Variants in GBA1 observed in about 807,000 individuals in gnomAD.
The protein encoded by GBA1 is lysosomal acid glucosylceramidase.
chr1:155,236,771 A>G, the GBA1 span, among the ~76,000 whole-genome samples: 2 of 151,308 alleles, frequency 1.3e-5, no homozygotes, highest in Non-Finnish European at 2.9e-5. Context: ...ATGTGTGTGT[A>G]TGTATGTGTG....
the GBA1 span, chr1:155,239,923 C>T: frequency 5.6e-6 from 9 of 1,614,138 alleles, no homozygotes; most frequent in South Asian, 7.7e-5. Flanking sequence ...GCCCCATACT[C>T]AGCTCCATCC....
the GBA1 span, among the ~76,000 whole-genome samples, chr1:155,241,979 C>G: frequency 1.3e-5 from 2 of 152,180 alleles, no homozygotes; most frequent in Admixed American, 1.3e-4. Flanking sequence ...AAAGCCATAT[C>G]CTCAGTGGAC....
chr1:155,235,620 G>A, the GBA1 span: 2 of 1,496,180 alleles, frequency 1.3e-6, no homozygotes, highest in African/African-American at 1.4e-5. Context: ...AGTGATGTAA[G>A]CCATCCGATG....
At chr1:155,235,723 G>A in the GBA1 span, 31 of 1,613,280 alleles carry the variant, frequency 1.9e-5, 1 homozygote, top group Middle Eastern at 6.6e-4. Context: ...TTTGTAAAAC[G>A]TGTCCTTGGT....
At chr1:155,235,568 G>T in the GBA1 span, 2 of 1,261,908 alleles carry the variant, frequency 1.6e-6, no homozygotes, top group Non-Finnish European at 2.3e-6. Context: ...TGCCTCTTCC[G>T]AGGTTCCACC....
the GBA1 span, chr1:155,236,282 C>T: frequency 6.2e-7 from 1 of 1,614,132 alleles, no homozygotes; most frequent in Non-Finnish European, 8.5e-7. Context: ...CCCTCGATCC[C>T]AGGAGCCTAG....
chr1:155,242,906 A>C, the GBA1 span, among the ~76,000 whole-genome samples: 2 of 152,174 alleles, frequency 1.3e-5, no homozygotes, highest in Non-Finnish European at 2.9e-5. Context: ...CCAGTAATTA[A>C]GTACAGTCTC....
chr1:155,235,609 G>C, the GBA1 span: 1 of 1,446,226 alleles, frequency 6.9e-7, no homozygotes, highest in Non-Finnish European at 9.5e-7. Flanking sequence ...TCGTGGTGTA[G>C]AGTGATGTAA....
the GBA1 span, chr1:155,241,302 G>A: frequency 3.1e-6 from 2 of 648,796 alleles, no homozygotes; most frequent in East Asian, 2.7e-5. Context: ...ACATGACACA[G>A]GAAGTGAGGC....
chr1:155,241,855 G>A, the GBA1 span, among the ~76,000 whole-genome samples: 1 of 152,170 alleles, frequency 6.6e-6, no homozygotes, highest in Admixed American at 6.5e-5. Context: ...TGGTCAGTGC[G>A]GCTCCTCTGC....
chr1:155,239,587 CTA>C, the GBA1 span: 1 of 1,613,704 alleles, frequency 6.2e-7, no homozygotes, highest in Non-Finnish European at 8.5e-7. Context: ...TTCAATGGCT[CTA>C]TGTCATCTTG....
chr1:155,240,813 C>T, the GBA1 span: 3 of 1,074,882 alleles, frequency 2.8e-6, no homozygotes, highest in Non-Finnish European at 2.9e-6. Context: ...GTGCCCATGG[C>T]CCGGTCTCCC....
At chr1:155,236,836 C>T in the GBA1 span, among the ~76,000 whole-genome samples, 1 of 151,822 alleles carries the variant, frequency 6.6e-6, no homozygotes, top group Admixed American at 6.6e-5. Flanking sequence ...CACATACATA[C>T]ATGAACCACC....
the GBA1 span, among the ~76,000 whole-genome samples, chr1:155,243,839 C>A: frequency 1.3e-5 from 2 of 151,708 alleles, no homozygotes; most frequent in Non-Finnish European, 2.9e-5. Flanking sequence ...GTGGCACGAT[C>A]TCGGTTCACT....
chr1:155,238,271 C>T, the GBA1 span: 1 of 1,603,830 alleles, frequency 6.2e-7, no homozygotes, highest in Non-Finnish European at 8.5e-7. Flanking sequence ...AAACGGGACG[C>T]TGGGCCAACT....
chr1:155,236,443 T>A, the GBA1 span: 1 of 1,614,138 alleles, frequency 6.2e-7, no homozygotes, highest in Non-Finnish European at 8.5e-7. Context: ...CATGAACATA[T>A]TTAGCTGCTT....
the GBA1 span, among the ~76,000 whole-genome samples, chr1:155,236,933 C>T: frequency 1.3e-5 from 2 of 152,180 alleles, no homozygotes; most frequent in South Asian, 2.1e-4. Context: ...GGCGCGATCT[C>T]GGCTCACCGC....
At chr1:155,237,931 A>G in the GBA1 span, 1 of 678,250 alleles carries the variant, frequency 1.5e-6, no homozygotes, top group East Asian at 2.7e-5. Context: ...GAAAAATAAA[A>G]AGAAAGTGGG....
the GBA1 span, chr1:155,237,956 C>T: frequency 2.4e-5 from 17 of 719,230 alleles, no homozygotes; most frequent in Admixed American, 5.2e-5. Context: ...ACCGAGAGAA[C>T]AGGAAGCCTG....
Sources: allele counts gnomAD v4.1 joint callset (sites outside exome capture counted in the v4.1 genomes callset), GRCh38; gene constraint gnomAD v4.1.1; transcripts MANE v1.5; gene names NCBI Gene and HGNC (gene_info 2026-07-23, HGNC 2026-07-21).